VGF: variants seen among roughly 807,000 people sequenced by gnomAD.
VGF encodes the protein VGF nerve growth factor inducible.
VGF carries 13 observed loss-of-function variants against 41.1 expected under a neutral mutation model. That is an observed-to-expected ratio of 0.32 (90% confidence interval 0.21 to 0.50). The LOEUF (loss-of-function observed/expected upper bound fraction) is 0.50, where lower values mean the gene tolerates loss of function less well. Among genes scored for constraint, VGF ranks in the 20% least tolerant of loss-of-function variants. The probability of loss-of-function intolerance (pLI) is 0.98; values close to 1 mark genes in which losing one functional copy is unlikely to be tolerated. For synonymous variants in VGF, 473 were observed against 418.3 expected (o/e 1.13, Z -1.60); for missense variants, 920 against 882.1 (o/e 1.04, Z -0.54).
upstream of VGF, among the ~76,000 whole-genome samples, chr7:101,168,019 G>GT (rs1554368356): frequency 0.19 from 23,369 of 121,286 alleles, 2,096 homozygotes; most frequent in East Asian, 0.29. Flanking sequence ...GTTTTTTTTT[G>GT]TTTTTTTTTT....
upstream of VGF, among the ~76,000 whole-genome samples, chr7:101,168,985 T>C (rs559101534): frequency 8.6e-5 from 13 of 151,894 alleles, no homozygotes; most frequent in South Asian, 1.5e-3. Flanking sequence ...CCCCTGAAAA[T>C]TGCCCCATTT....
Position 101,162,902 on chromosome 7 carries a change from G to T in VGF, c.*94C>A. ...CAGGGCCAAGGGGCAGGGCCGGGGC[G>T]CATGCAAACACCGAGGGGGAGCGGG... is the stretch of plus-strand genomic sequence containing the variant. On this transcript the variant is annotated 3_prime_UTR_variant, in exon 2 of 2. Transcript: ENST00000249330. The surrounding 1 kb of genome is among the most constrained non-coding windows in gnomAD (Gnocchi z 4.2). The T allele has an allele frequency of 1.4e-6, 1 of 700,294 alleles. No homozygotes were observed. The highest frequency in any genetic ancestry group is 2.3e-6 in the Non-Finnish European group (1 of 443,694). 43.4% of individuals were successfully genotyped at this position (700,294 alleles called of 1,614,324 possible).
chr7:101,166,697 G>T (rs999669900), upstream of VGF, among the ~76,000 whole-genome samples: 1 of 146,374 alleles, frequency 6.8e-6, no homozygotes, highest in Non-Finnish European at 1.5e-5. Flanking sequence ...GGGGTGGGGG[G>T]CGATGACGCA....
rs374172246 is a variant in VGF, at chr7:101,163,087, G to A, written c.1757C>T (p.Ala586Val). 1.5e-4 allele frequency: 229 copies of A among 1,569,644 alleles called. 1 individual carries two copies. In the African/African-American group the frequency reaches 3.1e-3, roughly 21 times the overall value. Reference protein sequence around the residue: ...YPGREAQARRAQEEAEAEERR... With the variant: ...YPGREAQARRVQEEAEAEERR... ...CTCCTCCGCCTCCGCCTCCTCCTGC[G>A]CGCGCCGCGCCTGGGCCTCCCGGCC... The change falls in exon 2 of 2, where the codon GCG (alanine) becomes GTG (valine). Residue 586 changes from alanine to valine, a missense_variant. By Grantham distance (64) the Ala-to-Val change is moderately conservative. This residue lies in a region of VGF where 257 missense variants were observed against 217.2 expected (regional missense o/e 1.18). Coordinates refer to ENST00000249330, the MANE Select transcript of VGF (RefSeq NM_003378.4). The surrounding 1 kb of genome is among the most constrained non-coding windows in gnomAD (Gnocchi z 5.0).
chr7:101,164,782 C>G lies in VGF; in HGVS notation c.62G>C (p.Gly21Ala). The change falls in exon 2 of 2, where the codon GGG (glycine) becomes GCG (alanine). Residue 21 changes from glycine to alanine, a missense_variant. This residue lies in a region of VGF where 654 missense variants were observed against 638.4 expected (regional missense o/e 1.02). Coordinates refer to ENST00000249330, the MANE Select transcript of VGF (RefSeq NM_003378.4). ...LFCLLLINGLGAAPPGRPEAQ... is the reference protein window; with the variant it reads ...LFCLLLINGLAAAPPGRPEAQ... The stretch of plus-strand genomic sequence containing the variant: ...CTCAGGGCGACCAGGGGGTGCTGCC[C>G]CTAACCCGTTGATCAGCAGAAGGCA... 2.5e-6 allele frequency: 4 copies of G among 1,603,376 alleles called. No homozygotes were observed. The highest frequency in any genetic ancestry group is 3.4e-6 in the Non-Finnish European group (4 of 1,172,510).
At position 101,164,773 on chromosome 7, in the gene VGF, G is replaced by T. The variant is rs545909485; in HGVS notation, c.71C>A (p.Pro24His). 5.6e-6 allele frequency: 9 copies of T among 1,608,794 alleles called. No individual in the cohort carries two copies. The Admixed American group carries it at 1.3e-4, about 24-fold the overall frequency. The part of the protein sequence containing the change: ...LLLINGLGAA[P>H]PGRPEAQPPP... ...AGGCTGCGCCTCAGGGCGACCAGGGGGTGCTGCCCCTAACCCGTTGATCAG... is the reference window on the plus strand; with the variant it reads ...AGGCTGCGCCTCAGGGCGACCAGGGTGTGCTGCCCCTAACCCGTTGATCAG... The change falls in exon 2 of 2, where the codon CCC becomes CAC. Residue 24 changes from proline (P) to histidine (H), a missense_variant. By Grantham distance (77) the Pro-to-His change is moderately conservative (BLOSUM62 -2). Around this residue, in one of 3 missense-constraint regions of VGF, gnomAD observed 654 missense variants for 638.4 expected, o/e 1.02. Coordinates refer to ENST00000249330, the MANE Select transcript of VGF (RefSeq NM_003378.4).
In VGF at chr7:101,162,919, G is replaced by A; in HGVS notation, c.*77C>T. 2.7e-6 allele frequency: 2 copies of A among 732,372 alleles called. No homozygotes were observed. The highest frequency in any genetic ancestry group is 1.9e-5 in the African/African-American group (1 of 52,928). 45.4% of individuals were successfully genotyped at this position (732,372 alleles called of 1,614,324 possible). On this transcript the variant is annotated 3_prime_UTR_variant, in exon 2 of 2. Coordinates refer to ENST00000249330, the MANE Select transcript of VGF (RefSeq NM_003378.4). The surrounding 1 kb of genome is among the most constrained non-coding windows in gnomAD (Gnocchi z 4.2). ...GCCGGGGCGCATGCAAACACCGAGG[G>A]GGAGCGGGCAACACGGAGGGGGGCG...
upstream of VGF, among the ~76,000 whole-genome samples, chr7:101,169,177 G>A (rs988492242): frequency 2.0e-5 from 3 of 151,994 alleles, no homozygotes; most frequent in African/African-American, 4.8e-5. Context: ...ACTCCTGAGT[G>A]GGGGAGGGGA....
In VGF at chr7:101,163,094, G is replaced by T. The variant is rs376758356; in HGVS notation, c.1750C>A (p.Arg584=). ...RHYPGREAQA[R]RAQEEAEAEE... ...GCCTCCGCCTCCTCCTGCGCGCGCC[G>T]CGCCTGGGCCTCCCGGCCGGGATAG... is the stretch of plus-strand genomic sequence containing the variant. Residue 584 remains arginine, a synonymous_variant, in exon 2 of 2, where the codon CGG becomes AGG. Transcript: ENST00000249330. This position sits in a 1 kb window ranked among gnomAD's most constrained non-coding sequence, Gnocchi z 5.0. 1 of 1,569,376 alleles carries T rather than the reference G, an allele frequency of 6.4e-7. No homozygotes were observed. Among genetic ancestry groups the T allele is most frequent in the South Asian group, 1.2e-5 (1 of 86,486 alleles).
In VGF at chr7:101,163,380, G is replaced by A; in HGVS notation, c.1464C>T (p.Pro488=). Residue 488 remains proline, a synonymous_variant, in exon 2 of 2, where the codon CCC becomes CCT. Transcript: ENST00000249330. This position sits in a 1 kb window ranked among gnomAD's most constrained non-coding sequence, Gnocchi z 5.0. Reference sequence around the variant, plus strand: ...CGGCACGGGGGGGCGGCACGGGCTCGGGAGGGGCGTTCTTCTTCCGCTTCC... The same window carrying A: ...CGGCACGGGGGGGCGGCACGGGCTCAGGAGGGGCGTTCTTCTTCCGCTTCC... ...EKRKRKKNAP[P]EPVPPPRAAP... The A allele has an allele frequency of 6.3e-7, 1 of 1,587,526 alleles. No homozygotes were observed.
chr7:101,163,302 AGCGGGGGCGGGGG>A lies in VGF; in HGVS notation c.1529_1541del (p.Pro510LeufsTer160), dbSNP rs1797146879. On this transcript the variant is annotated frameshift_variant, in exon 2 of 2. Coordinates refer to ENST00000249330, the MANE Select transcript of VGF (RefSeq NM_003378.4). LOFTEE classifies it high-confidence loss of function. The surrounding 1 kb of genome is among the most constrained non-coding windows in gnomAD (Gnocchi z 5.0). Reference sequence around the variant, plus strand: ...AGTCCGGCAGCTCGTCTCGTGCGGGAGCGGGGGCGGGGGGCGGGGGCTGCGGGGAGCGGACGTG... The same window carrying A: ...AGTCCGGCAGCTCGTCTCGTGCGGGAGCGGGGGCTGCGGGGAGCGGACGTG... The A allele has an allele frequency of 9.9e-7, 1 of 1,011,472 alleles. No individual in the cohort carries two copies. Among genetic ancestry groups the A allele is most frequent in the Non-Finnish European group, 1.2e-6 (1 of 830,096 alleles). 62.7% of individuals were successfully genotyped at this position (1,011,472 alleles called of 1,614,324 possible).
chr7:101,164,527 G>C lies in VGF; in HGVS notation c.317C>G (p.Pro106Arg). ...PPAPSGSQQGPEEEAAEALLT... is the reference protein window; with the variant it reads ...PPAPSGSQQGREEEAAEALLT... ...CAGAGCTTCAGCTGCTTCTTCCTCCGGCCCCTGCTGGGAGCCGCTTGGTGC... is the reference window on the plus strand; with the variant it reads ...CAGAGCTTCAGCTGCTTCTTCCTCCCGCCCCTGCTGGGAGCCGCTTGGTGC... Residue 106 changes from proline (P) to arginine (R), a missense_variant, in exon 2 of 2, where the codon CCG becomes CGG. Transcript: ENST00000249330. 1.3e-6 allele frequency: 2 copies of C among 1,598,872 alleles called. No homozygotes were observed. Among genetic ancestry groups the C allele is most frequent in the Non-Finnish European group, 1.7e-6 (2 of 1,178,086 alleles).
At chr7:101,166,388 C>A (rs551574788), upstream of VGF, among the ~76,000 whole-genome samples, 1 of 152,138 alleles carries the variant, frequency 6.6e-6, no homozygotes, top group Non-Finnish European at 1.5e-5. Flanking sequence ...GTGTCAAGGC[C>A]CCCCGCTGTG....
rs1421182171 is a variant in VGF at position 101,164,883 on chromosome 7, A to G, written c.-20-20T>C. The G allele has an allele frequency of 1.3e-6, 2 of 1,510,764 alleles. No individual in the cohort carries two copies. The highest frequency in any genetic ancestry group is 1.4e-5 in the African/African-American group (1 of 71,566). The allele number at this position is 1,510,764 out of a possible 1,614,324, so 93.6% of individuals were successfully genotyped here. A position where few individuals can be genotyped will look rare whatever the true frequency, so the allele number is the denominator to read the frequency against. Reference sequence around the variant, plus strand: ...CGGAGACTGAAAAATAGAAGGGACCAAAAAAAGAGGATTTCTGTAAGAATT... The same window carrying G: ...CGGAGACTGAAAAATAGAAGGGACCGAAAAAAGAGGATTTCTGTAAGAATT... On this transcript the variant is annotated intron_variant, in intron 1 of 1. Transcript: ENST00000249330.
rs751984381 is a variant in VGF, at chr7:101,163,063, TCCTCCG to T, written c.1775_1780del (p.Ala592_Glu593del). The T allele has an allele frequency of 3.2e-6, 5 of 1,571,656 alleles. No individual in the cohort carries two copies. Among genetic ancestry groups the T allele is most frequent in the East Asian group, 2.5e-5 (1 of 40,058 alleles). On this transcript the variant is annotated inframe_deletion, in exon 2 of 2. Transcript: ENST00000249330. The surrounding 1 kb of genome is among the most constrained non-coding windows in gnomAD (Gnocchi z 5.0). ...CTCCTCCTGCTCCTGCAGCCGGCGC[TCCTCCG>T]CCTCCGCCTCCTCCTGCGCGCGCCG...
chr7:101,164,372 C>A lies in VGF; in HGVS notation c.472G>T (p.Ala158Ser). 1 of 1,611,784 alleles carries A rather than the reference C, an allele frequency of 6.2e-7. No homozygotes were observed. The highest frequency in any genetic ancestry group is 8.5e-7 in the Non-Finnish European group (1 of 1,179,876). The change falls in exon 2 of 2, where the codon GCG becomes TCG. Residue 158 changes from alanine (A) to serine (S), a missense_variant. By Grantham distance (99) the Ala-to-Ser change is moderately conservative (BLOSUM62 1). Around this residue, in one of 3 missense-constraint regions of VGF, gnomAD observed 654 missense variants for 638.4 expected, o/e 1.02. Transcript: ENST00000249330. ...AGTTCCTGGAGCAGGGACGCTAGCG[C>A]CTCGAGCTCCTCGGAGGGATCGCTC... ...EASDPSEELE[A>S]LASLLQELRD...
upstream of VGF, among the ~76,000 whole-genome samples, chr7:101,166,925 G>A (rs1234912213): frequency 6.6e-6 from 1 of 151,430 alleles, no homozygotes; most frequent in African/African-American, 2.4e-5. Context: ...GGGCAGGGAA[G>A]GGGGGAATGA....
At chr7:101,166,865 A>G (rs1163739401), upstream of VGF, among the ~76,000 whole-genome samples, 2 of 99,840 alleles carry the variant, frequency 2.0e-5, no homozygotes, top group Admixed American at 1.2e-4. Flanking sequence ...GGAGGGAGGG[A>G]GGAAGCCTGG....
rs912940238 is a variant in VGF at position 101,162,864 on chromosome 7, C to G, written c.*132G>C. On this transcript the variant is annotated 3_prime_UTR_variant, in exon 2 of 2. Transcript: ENST00000249330. The surrounding 1 kb of genome is among the most constrained non-coding windows in gnomAD (Gnocchi z 4.2). ...GGGGTCTGGCAGGTCCCGACGCAGCCCGGGGACAGGGGCAGGGCCAAGGGG... is the reference window on the plus strand; with the variant it reads ...GGGGTCTGGCAGGTCCCGACGCAGCGCGGGGACAGGGGCAGGGCCAAGGGG... The G allele has an allele frequency of 2.1e-5, 15 of 698,080 alleles. No individual in the cohort carries two copies. In the African/African-American group the frequency reaches 2.4e-4, roughly 11 times the overall value. 43.2% of individuals were successfully genotyped at this position (698,080 alleles called of 1,614,324 possible).
Sources: allele counts gnomAD v4.1 joint callset (sites outside exome capture counted in the v4.1 genomes callset), GRCh38; gene constraint gnomAD v4.1.1; regional missense constraint gnomAD v4.1.1; non-coding constraint Gnocchi (gnomAD v3.1); transcripts MANE v1.5; gene names NCBI Gene and HGNC (gene_info 2026-07-23, HGNC 2026-07-21).